The following GHR variants were observed in gnomAD, a reference collection of about 807,000 sequenced individuals.
GHR encodes growth hormone receptor, also known as GH receptor.
A neutral mutation model predicts 67.1 loss-of-function variants in GHR; 35 were observed. The ratio of observed to expected loss-of-function variants is 0.52; its 90% CI spans 0.40 to 0.69. The LOEUF (loss-of-function observed/expected upper bound fraction) is 0.69. GHR is among the 30% of genes least tolerant of loss of function. The probability of loss-of-function intolerance (pLI) is 0.00; values close to 1 mark genes in which losing one functional copy is unlikely to be tolerated. For missense variants in GHR, 792 were observed against 764.6 expected, an observed-to-expected ratio of 1.04 and a Z score of -0.42; for synonymous variants, 272 against 269.1, an observed-to-expected ratio of 1.01 and a Z score of -0.10.
At chr5:42,552,259 A>G (rs1334163597) in intron 1 of GHR, among the ~76,000 whole-genome samples, 3 of 152,238 alleles carry the variant, frequency 2.0e-5, no homozygotes, top group African/African-American at 7.2e-5. Flanking sequence ...TTGCAAGGAC[A>G]TGTTACAAAG....
chr5:42,534,508 A>G (rs561470556), intron 1 of GHR, among the ~76,000 whole-genome samples: 2 of 142,304 alleles, frequency 1.4e-5, no homozygotes, highest in East Asian at 1.9e-4. Flanking sequence ...ATATGTACAT[A>G]TGTATATGTG....
intron 2 of GHR, among the ~76,000 whole-genome samples, 191 bp downstream of exon 2, chr5:42,566,135 T>C (rs1197186889): frequency 6.6e-6 from 1 of 152,222 alleles, no homozygotes; most frequent in East Asian, 1.9e-4. Context: ...AGGAATGCAG[T>C]AGTCAGTCAA....
At chr5:42,633,118 C>G (rs1754010042) in intron 3 of GHR, among the ~76,000 whole-genome samples, 2 of 152,068 alleles carry the variant, frequency 1.3e-5, no homozygotes, top group South Asian at 4.1e-4. Context: ...GATTGCACAT[C>G]TTTCTGAGGG....
chr5:42,646,338 G>T lies in GHR; in HGVS notation c.136+17235G>T, dbSNP rs751061028. ...TCCATTCTTCTCTTTGCAGGATGGGGTCCATGCTCACATATCAAGAAAATG... is the reference window on the plus strand; with the variant it reads ...TCCATTCTTCTCTTTGCAGGATGGGTTCCATGCTCACATATCAAGAAAATG... On this transcript the variant is annotated intron_variant, in intron 3 of 9. Transcript: ENST00000230882. The T allele has an allele frequency of 3.5e-5, 16 of 454,786 alleles. 1 individual carries two copies. Among genetic ancestry groups the T allele is most frequent in the Middle Eastern group, 6.5e-4 (2 of 3,096 alleles). 28.2% of individuals were successfully genotyped at this position (454,786 alleles called of 1,614,324 possible).
chr5:42,531,942 T>C (rs895411948), intron 1 of GHR, among the ~76,000 whole-genome samples: 1 of 152,080 alleles, frequency 6.6e-6, no homozygotes, highest in Non-Finnish European at 1.5e-5. Flanking sequence ...ACTTGGGCAG[T>C]TGAATTAGTA....
chr5:42,689,884 A>G (rs1346963545), intron 4 of GHR, among the ~76,000 whole-genome samples: 1 of 152,196 alleles, frequency 6.6e-6, no homozygotes, highest in Non-Finnish European at 1.5e-5. Flanking sequence ...ATTCAGTAAA[A>G]GACTGTAGTA....
rs572344563 is a variant in GHR at position 42,537,419 on chromosome 5, T to C, written c.-11-28445T>C. ...CATCTTGACTTCATTTTTGACCCAATACTCATTCAGGAGTAACTTATTTAG... is the reference window on the plus strand; with the variant it reads ...CATCTTGACTTCATTTTTGACCCAACACTCATTCAGGAGTAACTTATTTAG... On this transcript the variant is annotated intron_variant, in intron 1 of 9. Transcript: ENST00000230882. 6.6e-5 allele frequency among the ~76,000 whole-genome samples: 10 copies of C among 152,322 alleles called. No individual in the cohort carries two copies. In the East Asian group the frequency reaches 1.9e-3, roughly 29 times the overall value.
chr5:42,502,602 C>T (rs1746584306), intron 1 of GHR, among the ~76,000 whole-genome samples: 1 of 151,726 alleles, frequency 6.6e-6, no homozygotes, highest in Admixed American at 6.6e-5. Context: ...AAAATATTCT[C>T]ACGCTCTCTC....
intron 2 of GHR, among the ~76,000 whole-genome samples, chr5:42,574,453 T>C (rs1216253798): frequency 6.6e-6 from 1 of 152,256 alleles, no homozygotes; most frequent in East Asian, 1.9e-4. Context: ...TCTGCAGTTA[T>C]CATTCAGACT....
intron 6 of GHR, among the ~76,000 whole-genome samples, chr5:42,701,992 A>G (rs1377500438): frequency 6.6e-6 from 1 of 152,090 alleles, no homozygotes; most frequent in African/African-American, 2.4e-5. Flanking sequence ...TGAAATATGG[A>G]TACATTGTAG....
intron 1 of GHR, among the ~76,000 whole-genome samples, chr5:42,496,308 T>C (rs1462860240): frequency 1.3e-5 from 2 of 152,188 alleles, no homozygotes; most frequent in Non-Finnish European, 2.9e-5. Context: ...ACCAATTCAG[T>C]GTACTAGGCT....
At chr5:42,599,191 C>G (rs979885412) in intron 2 of GHR, among the ~76,000 whole-genome samples, 1 of 152,092 alleles carries the variant, frequency 6.6e-6, no homozygotes, top group Non-Finnish European at 1.5e-5. Flanking sequence ...GAAGAGGTGA[C>G]TATGTCAGAT....
At chr5:42,520,507 T>C (rs2112298229) in intron 1 of GHR, among the ~76,000 whole-genome samples, 1 of 152,282 alleles carries the variant, frequency 6.6e-6, no homozygotes, top group South Asian at 2.1e-4. Context: ...CTTTCAGCCT[T>C]GAGAAGCTGG....
chr5:42,541,650 G>A (rs746237531), intron 1 of GHR, among the ~76,000 whole-genome samples: 3 of 152,136 alleles, frequency 2.0e-5, no homozygotes, highest in Non-Finnish European at 2.9e-5. Context: ...AAGCAGGTAG[G>A]CCATTAAGAA....
chr5:42,625,619 T>C (rs1218943387), intron 2 of GHR, among the ~76,000 whole-genome samples: 1 of 152,114 alleles, frequency 6.6e-6, no homozygotes, highest in East Asian at 1.9e-4. Flanking sequence ...AATACGTTGA[T>C]TTGGTTCAGA....
chr5:42,628,081 C>G (rs1433999412), intron 2 of GHR, among the ~76,000 whole-genome samples: 1 of 152,130 alleles, frequency 6.6e-6, no homozygotes, highest in African/African-American at 2.4e-5. Flanking sequence ...CTCCTCTCAG[C>G]GTCCAGATGT....
intron 3 of GHR, among the ~76,000 whole-genome samples, chr5:42,681,733 G>A (rs1273153715): frequency 1.3e-5 from 2 of 152,002 alleles, no homozygotes; most frequent in Admixed American, 6.6e-5. Flanking sequence ...TCAGGAGATC[G>A]AGACCATCCT....
chr5:42,549,243 A>G (rs558615430), intron 1 of GHR, among the ~76,000 whole-genome samples: 3 of 152,326 alleles, frequency 2.0e-5, no homozygotes, highest in Non-Finnish European at 2.9e-5. Context: ...TTCTATCTCA[A>G]TGGAAAGTAT....
At chr5:42,481,107 T>C (rs1189567343) in intron 1 of GHR, among the ~76,000 whole-genome samples, 1 of 152,120 alleles carries the variant, frequency 6.6e-6, no homozygotes, top group Non-Finnish European at 1.5e-5. Flanking sequence ...TCTCAGCATT[T>C]GCTTGTCTGT....
Sources: allele counts gnomAD v4.1 joint callset (sites outside exome capture counted in the v4.1 genomes callset), GRCh38; gene constraint gnomAD v4.1.1; transcripts MANE v1.5; gene names NCBI Gene and HGNC (gene_info 2026-07-23, HGNC 2026-07-21).